AUTS2: variants seen among roughly 807,000 people sequenced by gnomAD.
AUTS2 encodes autism susceptibility gene 2 protein.
In AUTS2, 17 loss-of-function variants were observed where a neutral mutation model predicts 112.4. The ratio of observed to expected loss-of-function variants is 0.15; its 90% CI spans 0.10 to 0.23. The LOEUF is 0.23. AUTS2 is among the 10% of genes least tolerant of loss of function. The pLI is 1.00. For missense variants in AUTS2, 1,510 were observed against 1,701.6 expected (o/e 0.89, Z 1.98); for synonymous variants, 751 against 702.7 (o/e 1.07, Z -1.09).
intron 2 of AUTS2, among the ~76,000 whole-genome samples, chr7:70,103,697 G>T (rs1804618263): frequency 6.6e-6 from 1 of 151,840 alleles, no homozygotes; most frequent in East Asian, 1.9e-4. Context: ...ACGAGGTCAG[G>T]AGTTCTAGAC....
chr7:70,159,371 TTC>T (rs1463646612), intron 4 of AUTS2, among the ~76,000 whole-genome samples: 1 of 152,216 alleles, frequency 6.6e-6, no homozygotes, highest in Non-Finnish European at 1.5e-5. Context: ...GTGGTTAAAC[TTC>T]TCTGATTTTG....
chr7:70,345,046 T>A (rs1791433208), intron 4 of AUTS2, among the ~76,000 whole-genome samples: 1 of 152,226 alleles, frequency 6.6e-6, no homozygotes, highest in Admixed American at 6.5e-5. Flanking sequence ...CTCTGTATAA[T>A]AAGCTTCTCA....
chr7:70,632,048 G>A (rs1468515097), intron 5 of AUTS2, among the ~76,000 whole-genome samples: 2 of 151,918 alleles, frequency 1.3e-5, no homozygotes, highest in Non-Finnish European at 2.9e-5. Flanking sequence ...CAAATGTGAA[G>A]TCATCTCTCC....
At chr7:69,944,757 T>C (rs1228448993) in intron 2 of AUTS2, among the ~76,000 whole-genome samples, 3 of 152,196 alleles carry the variant, frequency 2.0e-5, no homozygotes, top group African/African-American at 4.8e-5. Flanking sequence ...CACACTTTCT[T>C]TTAAGGTTTG....
chr7:69,928,754 C>G (rs569763829), intron 2 of AUTS2, among the ~76,000 whole-genome samples: 1 of 152,164 alleles, frequency 6.6e-6, no homozygotes, highest in Non-Finnish European at 1.5e-5. Context: ...GGGTCTGTAG[C>G]CACATCTAGG....
intron 4 of AUTS2, among the ~76,000 whole-genome samples, chr7:70,196,219 G>A (rs113794438): frequency 0.015 from 2,261 of 152,260 alleles, 31 homozygotes; most frequent in Middle Eastern, 0.041. Context: ...TAAGTGTGTG[G>A]TGTTTAGGCA....
intron 7 of AUTS2, among the ~76,000 whole-genome samples, chr7:70,763,713 G>T (rs1436991601): frequency 6.6e-6 from 1 of 152,188 alleles, no homozygotes; most frequent in Non-Finnish European, 1.5e-5. Flanking sequence ...CCTTTCAAGA[G>T]AGGCTCTCTG....
At chr7:69,816,054 G>A (rs1790746711) in intron 1 of AUTS2, among the ~76,000 whole-genome samples, 2 of 152,190 alleles carry the variant, frequency 1.3e-5, no homozygotes, top group African/African-American at 4.8e-5. Context: ...GGGAATACAG[G>A]CCAAGCCTTT....
chr7:69,896,458 T>C (rs1794745547), intron 1 of AUTS2, among the ~76,000 whole-genome samples: 1 of 152,124 alleles, frequency 6.6e-6, no homozygotes, highest in Admixed American at 6.6e-5. Flanking sequence ...CTTCTTACTC[T>C]TAAGGATAAG....
chr7:70,701,889 G>C (rs1434990338), intron 6 of AUTS2, among the ~76,000 whole-genome samples: 1 of 152,130 alleles, frequency 6.6e-6, no homozygotes, highest in Non-Finnish European at 1.5e-5. Flanking sequence ...TTCCCACTGA[G>C]ACAGAGGCAC....
intron 2 of AUTS2, among the ~76,000 whole-genome samples, chr7:70,045,786 T>C (rs967589653): frequency 2.4e-4 from 31 of 131,548 alleles, no homozygotes; most frequent in African/African-American, 8.4e-4. Flanking sequence ...TTTTCTACCT[T>C]TTTTTTTTTT....
chr7:70,612,415 C>G (rs1315407446), intron 5 of AUTS2, among the ~76,000 whole-genome samples: 2 of 152,156 alleles, frequency 1.3e-5, no homozygotes, highest in East Asian at 3.9e-4. Context: ...CAGAGTCAAC[C>G]TTTTTTCCCA....
At chr7:70,687,637 G>A (rs888757739) in intron 5 of AUTS2, among the ~76,000 whole-genome samples, 1 of 152,078 alleles carries the variant, frequency 6.6e-6, no homozygotes, top group African/African-American at 2.4e-5. Context: ...CCCTCTTGTT[G>A]CAGATCCATG....
At chr7:70,092,720 G>A (rs753611535) in intron 2 of AUTS2, among the ~76,000 whole-genome samples, 9 of 152,132 alleles carry the variant, frequency 5.9e-5, no homozygotes, top group Non-Finnish European at 1.2e-4. Context: ...GCATGAGGTC[G>A]AACAGCAGAA....
At chr7:70,033,657 G>T (rs1330160468) in intron 2 of AUTS2, among the ~76,000 whole-genome samples, 1 of 151,786 alleles carries the variant, frequency 6.6e-6, no homozygotes, top group African/African-American at 2.4e-5. Flanking sequence ...ATACAAAATA[G>T]AAAAAAACAA....
At chr7:70,787,472 T>C in intron 18 of AUTS2, 41 bp downstream of exon 18, 2 of 1,424,152 alleles carry the variant, frequency 1.4e-6, no homozygotes, top group Non-Finnish European at 9.7e-7. Flanking sequence ...CGGGGGAGCC[T>C]GCTCTATGCC....
chr7:70,514,727 G>C (rs80331839), intron 5 of AUTS2, among the ~76,000 whole-genome samples: 1 of 152,338 alleles, frequency 6.6e-6, no homozygotes, highest in African/African-American at 2.4e-5. Context: ...CTTATTGCCA[G>C]TTGCTCTGCG....
chr7:69,826,944 G>C (rs1791275618), intron 1 of AUTS2, among the ~76,000 whole-genome samples: 1 of 152,042 alleles, frequency 6.6e-6, no homozygotes, highest in Non-Finnish European at 1.5e-5. Context: ...AAATAACATT[G>C]TTTATCTGTG....
intron 2 of AUTS2, among the ~76,000 whole-genome samples, chr7:70,078,497 T>C (rs142295560): frequency 2.0e-5 from 3 of 152,356 alleles, no homozygotes; most frequent in Non-Finnish European, 4.4e-5. Flanking sequence ...TGTTTCATCC[T>C]AATGAAGTAA....
Sources: allele counts gnomAD v4.1 joint callset (sites outside exome capture counted in the v4.1 genomes callset), GRCh38; gene constraint gnomAD v4.1.1; transcripts MANE v1.5; gene names NCBI Gene and HGNC (gene_info 2026-07-23, HGNC 2026-07-21).